The following ARHGEF10 variants were observed in gnomAD, a reference collection of about 807,000 sequenced individuals.
The protein encoded by ARHGEF10 is Rho guanine nucleotide exchange factor 10, also known as Rho guanine nucleotide exchange factor (GEF) 10.
ARHGEF10 carries 140 observed loss-of-function variants against 147.4 expected under a neutral mutation model. The ratio of observed to expected loss-of-function variants is 0.95; its 90% CI spans 0.83 to 1.09. ARHGEF10 has a LOEUF of 1.09. Ranked by LOEUF, ARHGEF10 falls within the 50% of genes least tolerant of loss-of-function variation. The pLI is 0.00. For synonymous variants in ARHGEF10, 902 were observed against 695.8 expected, an observed-to-expected ratio of 1.30 and a Z score of -4.67; for missense variants, 2,222 against 1,752.7, an observed-to-expected ratio of 1.27 and a Z score of -4.78.
chr8:1,896,076 A>G (rs1312615020), intron 13 of ARHGEF10, among the ~76,000 whole-genome samples: 3 of 152,028 alleles, frequency 2.0e-5, no homozygotes, highest in East Asian at 1.9e-4. Context: ...CTTAACTGAA[A>G]CCCAAATTAC....
At chr8:1,878,838 TG>T (rs1222274421) in intron 8 of ARHGEF10, among the ~76,000 whole-genome samples, 1 of 152,094 alleles carries the variant, frequency 6.6e-6, no homozygotes, top group Non-Finnish European at 1.5e-5. Context: ...GCGAAGGAGC[TG>T]GGGAAAGCCA....
At chr8:1,944,240 C>G (rs890283762) in intron 26 of ARHGEF10, among the ~76,000 whole-genome samples, 1 of 152,146 alleles carries the variant, frequency 6.6e-6, no homozygotes, top group African/African-American at 2.4e-5. Context: ...GGGGCCCCAG[C>G]CTCCCGCACC....
At chr8:1,902,109 C>T (rs952361728) in intron 15 of ARHGEF10, among the ~76,000 whole-genome samples, 4 of 152,186 alleles carry the variant, frequency 2.6e-5, no homozygotes, top group Middle Eastern at 3.4e-3. Context: ...TTTTAAGCCC[C>T]GCGTGCATTA....
rs1027555215 is a variant in ARHGEF10, at chr8:1,860,219, G to T, written c.481+35G>T. 3 of 1,605,722 alleles carry T rather than the reference G, an allele frequency of 1.9e-6. No homozygotes were observed. The South Asian group carries it at 3.3e-5, about 18-fold the overall frequency. On this transcript the variant is annotated intron_variant, in intron 4 of 28. Transcript: ENST00000349830. The stretch of plus-strand genomic sequence containing the variant: ...CCCTCCTCTCCACGCCCCCGAAGTG[G>T]CCTGTGGTTCCCTCCTCTCCACGCC...
chr8:1,869,075 C>G (rs1429873094), intron 6 of ARHGEF10, 119 bp from the exon 7 acceptor site: 4 of 923,462 alleles, frequency 4.3e-6, no homozygotes, highest in African/African-American at 3.3e-5. Context: ...AAAAAACTAC[C>G]CTTATAAACC....
chr8:1,880,031 G>C lies in ARHGEF10; in HGVS notation c.844-17G>C, dbSNP rs761535674. 1 of 1,548,100 alleles carries C rather than the reference G, an allele frequency of 6.5e-7. No homozygotes were observed. Among genetic ancestry groups the C allele is most frequent in the South Asian group, 1.1e-5 (1 of 89,760 alleles). On this transcript the variant is annotated splice_polypyrimidine_tract_variant and intron_variant, in intron 8 of 28. Transcript: ENST00000349830. ...AAGAGCCTTTTTGTGAAAAGACTGT[G>C]TCTCTTTATGCTGTAGCTTTCTCAT...
At chr8:1,920,406 T>G (rs1812193313) in intron 18 of ARHGEF10, among the ~76,000 whole-genome samples, 1 of 152,156 alleles carries the variant, frequency 6.6e-6, no homozygotes, top group Non-Finnish European at 1.5e-5. Flanking sequence ...CACTGCAGCC[T>G]TGACTTCCTT....
At chr8:1,823,599 C>T (rs1321206929), upstream of ARHGEF10, among the ~76,000 whole-genome samples, 6 of 151,856 alleles carry the variant, frequency 4.0e-5, no homozygotes, top group East Asian at 1.2e-3. Flanking sequence ...GCAGGCTCTG[C>T]GGGGAGGATC....
At position 1,926,950 on chromosome 8, in the gene ARHGEF10, C is replaced by T. The variant is rs140804499; in HGVS notation, c.2697+487C>T. ...TTGAAGCTGTGTGGTCCCAGGCTCTCCCCTCTCTGGTTTCCTGTGTTCCCT... is the reference window on the plus strand; with the variant it reads ...TTGAAGCTGTGTGGTCCCAGGCTCTTCCCTCTCTGGTTTCCTGTGTTCCCT... On this transcript the variant is annotated intron_variant, in intron 23 of 28. Coordinates refer to ENST00000349830, the MANE Select transcript of ARHGEF10 (RefSeq NM_014629.4). 10 of 249,890 alleles carry T rather than the reference C, an allele frequency of 4.0e-5. No homozygotes were observed. In the East Asian group the frequency reaches 1.0e-3, roughly 26 times the overall value. The allele number at this position is 249,890 out of a possible 1,614,324, so 15.5% of individuals were successfully genotyped here. A position where few individuals can be genotyped will look rare whatever the true frequency, so the allele number is the denominator to read the frequency against.
chr8:1,862,698 C>T (rs1015316413), intron 4 of ARHGEF10, among the ~76,000 whole-genome samples: 3 of 152,192 alleles, frequency 2.0e-5, no homozygotes, highest in African/African-American at 7.2e-5. Flanking sequence ...GGCAGCACGT[C>T]CTGCCTTTGT....
chr8:1,915,609 TC>T (rs1670597367), intron 18 of ARHGEF10, among the ~76,000 whole-genome samples: 1 of 152,242 alleles, frequency 6.6e-6, no homozygotes, highest in African/African-American at 2.4e-5. Flanking sequence ...CATGCGTGGC[TC>T]TGTTCTCCAT....
intron 1 of ARHGEF10, among the ~76,000 whole-genome samples, chr8:1,831,822 C>T (rs879407128): frequency 6.6e-6 from 1 of 152,244 alleles, no homozygotes; most frequent in African/African-American, 2.4e-5. Context: ...ACGTCGATGA[C>T]AGGCAGCTTT....
chr8:1,846,637 G>T (rs1248123079), intron 2 of ARHGEF10, among the ~76,000 whole-genome samples: 2 of 152,098 alleles, frequency 1.3e-5, no homozygotes, highest in African/African-American at 4.8e-5. Flanking sequence ...GAGTGAAGTG[G>T]TGTGATCTTG....
chr8:1,908,625 C>G (rs1186533359), intron 17 of ARHGEF10, among the ~76,000 whole-genome samples: 2 of 152,192 alleles, frequency 1.3e-5, no homozygotes, highest in African/African-American at 4.8e-5. Flanking sequence ...GGTGGGATTT[C>G]CTGGGGCTGC....
chr8:1,880,955 C>A (rs1354511114), intron 9 of ARHGEF10, among the ~76,000 whole-genome samples: 2 of 152,224 alleles, frequency 1.3e-5, no homozygotes, highest in Non-Finnish European at 2.9e-5. Flanking sequence ...CCCTCACATG[C>A]AGCATCTGGC....
At position 1,896,390 on chromosome 8, in the gene ARHGEF10, G is replaced by A; in HGVS notation, c.1498G>A (p.Ala500Thr). The A allele has an allele frequency of 6.2e-7, 1 of 1,614,076 alleles. No individual in the cohort carries two copies. Among genetic ancestry groups the A allele is most frequent in the Non-Finnish European group, 8.5e-7 (1 of 1,180,038 alleles). Residue 500 changes from alanine to threonine, a missense_variant, in exon 14 of 29, where the codon GCC (alanine) becomes ACC (threonine). Ala to Thr is a moderately conservative substitution (Grantham distance 58, BLOSUM62 0). Coordinates refer to ENST00000349830, the MANE Select transcript of ARHGEF10 (RefSeq NM_014629.4). Reference protein sequence around the residue: ...YSEYVNNFSTAVAVLKKTCAT... With the variant: ...YSEYVNNFSTTVAVLKKTCAT... Reference sequence around the variant, plus strand: ...TGAATATGTGAACAATTTCAGCACAGCCGTGGCAGTCCTCAAGAAAACATG... The same window carrying A: ...TGAATATGTGAACAATTTCAGCACAACCGTGGCAGTCCTCAAGAAAACATG...
intron 15 of ARHGEF10, among the ~76,000 whole-genome samples, chr8:1,899,471 T>C (rs942083629): frequency 6.6e-6 from 1 of 152,298 alleles, no homozygotes; most frequent in African/African-American, 2.4e-5. Context: ...GCCTGGGAAA[T>C]AGTGTGAAGT....
At chr8:1,890,661 TG>T (rs201781590) in intron 11 of ARHGEF10, among the ~76,000 whole-genome samples, 2 of 131,888 alleles carry the variant, frequency 1.5e-5, no homozygotes, top group African/African-American at 3.1e-5. Flanking sequence ...AGACACTAAG[TG>T]GGGTGTGAGG....
chr8:1,831,880 G>T (rs1803133085), intron 1 of ARHGEF10, among the ~76,000 whole-genome samples: 1 of 152,192 alleles, frequency 6.6e-6, no homozygotes, highest in Admixed American at 6.5e-5. Context: ...CCTGGGTCAG[G>T]AGTGCCCTGG....
Sources: gnomAD v4.1 joint callset for allele counts (sites outside exome capture counted in the v4.1 genomes callset) on GRCh38, gnomAD v4.1.1 for gene constraint, MANE v1.5 for transcripts, NCBI Gene and HGNC (gene_info 2026-07-23, HGNC 2026-07-21) for gene names.